PJVK: variants seen among roughly 807,000 people sequenced by gnomAD.
PJVK encodes pejvakin, also known as autosomal recessive deafness type 59 protein.
Under a neutral mutation model 37.6 loss-of-function variants are expected in PJVK, and 33 were observed. The ratio of observed to expected loss-of-function variants is 0.88; its 90% CI spans 0.67 to 1.17. The LOEUF (loss-of-function observed/expected upper bound fraction) is 1.17. Ranked by LOEUF, PJVK falls within the 50% of genes most tolerant of loss-of-function variation. PJVK has a pLI of 0.00. For missense variants in PJVK, 410 were observed against 413.8 expected, an observed-to-expected ratio of 0.99 and a Z score of 0.08; for synonymous variants, 141 against 143.5, an observed-to-expected ratio of 0.98 and a Z score of 0.13.
At chr2:178,453,761 A>G (rs1697867573) in intron 2 of PJVK, 141 bp downstream of exon 2, 1 of 689,770 alleles carries the variant, frequency 1.4e-6, no homozygotes, top group African/African-American at 1.8e-5. Flanking sequence ...GTGTAATAAC[A>G]TTATTAAGAT....
chr2:178,454,132 G>A, intron 2 of PJVK, 200 bp from the exon 3 acceptor site: 1 of 481,510 alleles, frequency 2.1e-6, no homozygotes, highest in Non-Finnish European at 3.7e-6. Flanking sequence ...TAGAAAATTT[G>A]AGTTCCTTTT....
chr2:178,458,063 C>T (rs1345806078), intron 4 of PJVK, among the ~76,000 whole-genome samples: 1 of 152,128 alleles, frequency 6.6e-6, no homozygotes, highest in Non-Finnish European at 1.5e-5. Context: ...TTCTGATTAA[C>T]ATTGGATCAT....
intron 6 of PJVK, 81 bp downstream of exon 6, chr2:178,460,527 T>A: frequency 7.7e-7 from 1 of 1,301,624 alleles, no homozygotes; most frequent in Non-Finnish European, 1.1e-6. Context: ...TTCAGTAATC[T>A]CATCTGTTAA....
At chr2:178,453,646 A>G in intron 2 of PJVK, 26 bp downstream of exon 2, 1 of 1,579,054 alleles carries the variant, frequency 6.3e-7, no homozygotes, top group Non-Finnish European at 8.7e-7. Flanking sequence ...TGGGAGTGCC[A>G]ACTCATTCAT....
At chr2:178,459,149 A>G (rs747618330) in intron 5 of PJVK, 17 of 471,714 alleles carry the variant, frequency 3.6e-5, no homozygotes, top group Non-Finnish European at 1.3e-5. Context: ...GTCACCTTGT[A>G]TAATACCTAA....
intron 4 of PJVK, 79 bp from the exon 5 acceptor site, chr2:178,458,431 T>C: frequency 1.7e-6 from 2 of 1,206,822 alleles, no homozygotes; most frequent in Non-Finnish European, 2.4e-6. Flanking sequence ...GGTAGGATTA[T>C]AGGAAATGTT....
chr2:178,452,626 C>G, intron 1 of PJVK: 1 of 985,276 alleles, frequency 1.0e-6, no homozygotes, highest in Non-Finnish European at 1.2e-6. Context: ...CTTTATATAG[C>G]TCTTGTTAAA....
At chr2:178,460,514 C>A in intron 6 of PJVK, 68 bp downstream of exon 6, 1 of 1,381,710 alleles carries the variant, frequency 7.2e-7, no homozygotes, top group African/African-American at 1.4e-5. Context: ...ATGAGGTTTT[C>A]TATTCAGTAA....
At position 178,454,516 on chromosome 2, in the gene PJVK, A is replaced by G; in HGVS notation, c.396A>G (p.Glu132=). Residue 132 remains glutamate, a synonymous_variant, in exon 3 of 7, where the codon GAA becomes GAG. Coordinates refer to ENST00000644580, the MANE Select transcript of PJVK (RefSeq NM_001042702.5). The part of the protein sequence containing the change: ...HEVEVSTLLK[E]ITTRKINFDH... ...TGGAAGTATCAACATTACTCAAAGA[A>G]ATTACTACACGGTCAGTATAATAAT... The G allele has an allele frequency of 6.2e-7, 1 of 1,613,636 alleles. No individual in the cohort carries two copies.
In PJVK at chr2:178,453,563, A is replaced by T. The variant is rs1240571156; in HGVS notation, c.154A>T (p.Thr52Ser). 11 of 1,613,974 alleles carry T rather than the reference A, an allele frequency of 6.8e-6. No homozygotes were observed. In the Admixed American group the frequency reaches 1.7e-4, roughly 24 times the overall value. ...CTTTCTGTTTCCTAGATATAAATTTACTTCAACACCTTTTACACTGAAAGA... is the reference window on the plus strand; with the variant it reads ...CTTTCTGTTTCCTAGATATAAATTTTCTTCAACACCTTTTACACTGAAAGA... ...RCFLFPRYKF[T>S]STPFTLKDIL... is the part of the protein sequence containing the mutation. The change falls in exon 2 of 7, where the codon ACT becomes TCT. Residue 52 changes from threonine (T) to serine (S), a missense_variant. Coordinates refer to ENST00000644580, the MANE Select transcript of PJVK (RefSeq NM_001042702.5).
chr2:178,457,902 A>T (rs1051718988), intron 4 of PJVK, among the ~76,000 whole-genome samples: 4 of 152,172 alleles, frequency 2.6e-5, no homozygotes, highest in Non-Finnish European at 5.9e-5. Context: ...TTTTCAGCTC[A>T]ATTATGATAT....
At chr2:178,452,686 A>G in intron 1 of PJVK, 1 of 953,236 alleles carries the variant, frequency 1.0e-6, no homozygotes, top group Non-Finnish European at 1.2e-6. Flanking sequence ...GCAGGACTCC[A>G]TTTCAAAGAG....
chr2:178,457,003 C>T (rs965625262), intron 4 of PJVK, among the ~76,000 whole-genome samples: 2 of 152,110 alleles, frequency 1.3e-5, no homozygotes, highest in Non-Finnish European at 2.9e-5. Flanking sequence ...GAGTCTCGCT[C>T]TGTCCCCGAG....
At position 178,454,383 on chromosome 2, in the gene PJVK, T is replaced by G; in HGVS notation, c.263T>G (p.Leu88Arg). 1 of 1,613,938 alleles carries G rather than the reference T, an allele frequency of 6.2e-7. No homozygotes were observed. Among genetic ancestry groups the G allele is most frequent in the Non-Finnish European group, 8.5e-7 (1 of 1,179,934 alleles). Residue 88 changes from leucine to arginine, a missense_variant, in exon 3 of 7, where the codon CTC becomes CGC. Transcript: ENST00000644580. Reference protein sequence around the residue: ...LNYEDESDVSLYGRRGNHIVN... With the variant: ...LNYEDESDVSRYGRRGNHIVN... ...TATGAAGATGAATCAGATGTTTCAC[T>G]CTATGGAAGGCGAGGTAACCATATT...
Position 178,454,392 on chromosome 2 carries a change from G to A in PJVK, c.272G>A (p.Arg91Lys), listed in dbSNP as rs1697916194. The change falls in exon 3 of 7, where the codon AGG becomes AAG. Residue 91 changes from arginine to lysine, a missense_variant. Physicochemically the swap from Arg to Lys is conservative, Grantham distance 26. Coordinates refer to ENST00000644580, the MANE Select transcript of PJVK (RefSeq NM_001042702.5). The part of the protein sequence containing the change: ...EDESDVSLYG[R>K]RGNHIVNDVG... ...GAATCAGATGTTTCACTCTATGGAAGGCGAGGTAACCATATTGTAAATGAC... is the reference window on the plus strand; with the variant it reads ...GAATCAGATGTTTCACTCTATGGAAAGCGAGGTAACCATATTGTAAATGAC... 3 of 1,613,882 alleles carry A rather than the reference G, an allele frequency of 1.9e-6. No individual in the cohort carries two copies. Among genetic ancestry groups the A allele is most frequent in the Non-Finnish European group, 2.5e-6 (3 of 1,179,910 alleles).
Position 178,461,689 on chromosome 2 carries a change from A to G in PJVK, c.*415A>G, listed in dbSNP as rs374261238. On this transcript the variant is annotated 3_prime_UTR_variant, in exon 7 of 7. Coordinates refer to ENST00000644580, the MANE Select transcript of PJVK (RefSeq NM_001042702.5). ...AACCTCTGCCTCCTGGGTTCAAGCAATTCTCTGCCTCAGCCTCCCGAGTAG... is the reference window on the plus strand; with the variant it reads ...AACCTCTGCCTCCTGGGTTCAAGCAGTTCTCTGCCTCAGCCTCCCGAGTAG... Among the ~76,000 whole-genome samples the G allele has an allele frequency of 5.9e-5, 9 of 151,484 alleles. No homozygotes were observed. The highest frequency in any genetic ancestry group is 2.2e-4 in the African/African-American group (9 of 41,210).
At chr2:178,459,348 C>CA (rs1411852481) in intron 5 of PJVK, 1 of 350,498 alleles carries the variant, frequency 2.9e-6, no homozygotes, top group Non-Finnish European at 6.1e-6. Flanking sequence ...AGTCCAGAAA[C>CA]AAAACAAAAC....
intron 4 of PJVK, 34 bp downstream of exon 4, chr2:178,456,185 A>G (rs754165217): frequency 1.2e-6 from 2 of 1,609,318 alleles, no homozygotes; most frequent in Non-Finnish European, 1.7e-6. Flanking sequence ...CTTACTAACT[A>G]AAGTGTTGCC....
At chr2:178,460,480 T>G (rs1684419117) in intron 6 of PJVK, 34 bp downstream of exon 6, 1 of 1,572,272 alleles carries the variant, frequency 6.4e-7, no homozygotes, top group Non-Finnish European at 8.8e-7. Flanking sequence ...GAATGTCTTT[T>G]TTTTTTCTTT....
Sources: allele counts gnomAD v4.1 joint callset (sites outside exome capture counted in the v4.1 genomes callset), GRCh38; gene constraint gnomAD v4.1.1; transcripts MANE v1.5; gene names NCBI Gene and HGNC (gene_info 2026-07-23, HGNC 2026-07-21).